Variants in GINS3 observed in about 807,000 individuals in gnomAD.
The protein encoded by GINS3 is GINS complex subunit 3, also known as DNA replication complex GINS protein PSF3.
Under a neutral mutation model 20.0 loss-of-function variants are expected in GINS3, and 18 were observed. The observed-to-expected ratio is 0.90, with a 90% CI of 0.62 to 1.33. The LOEUF is 1.33. Among genes scored for constraint, GINS3 ranks in the 40% most tolerant of loss-of-function variants. The pLI is 0.00. For synonymous variants in GINS3, 109 were observed against 107.0 expected (o/e 1.02, Z -0.12); for missense variants, 254 against 273.6 (o/e 0.93, Z 0.51).
intron 1 of GINS3, among the ~76,000 whole-genome samples, chr16:58,396,921 G>A (rs1298979260): frequency 6.7e-6 from 1 of 149,476 alleles, no homozygotes; most frequent in Admixed American, 6.6e-5. Flanking sequence ...CGGACGGGGC[G>A]GCTGGCCGGG....
At chr16:58,404,150 C>A in intron 2 of GINS3, 1 of 222,364 alleles carries the variant, frequency 4.5e-6, no homozygotes, top group South Asian at 9.7e-5. Context: ...TAGAAGAAAC[C>A]ATCATTTCTT....
At chr16:58,395,937 C>G (rs1019691348) in intron 1 of GINS3, among the ~76,000 whole-genome samples, 1 of 149,988 alleles carries the variant, frequency 6.7e-6, no homozygotes. Flanking sequence ...ACCTCCCGGA[C>G]GGGGCGGCTG....
At chr16:58,393,695 T>C (rs1479127775) in intron 1 of GINS3, 1 of 152,078 alleles carries the variant, frequency 6.6e-6, no homozygotes, top group African/African-American at 2.4e-5. Context: ...CTGGGTGTGG[T>C]GGCCGGCGCC....
chr16:58,399,250 G>A (rs1965922648), intron 1 of GINS3, among the ~76,000 whole-genome samples: 1 of 149,834 alleles, frequency 6.7e-6, no homozygotes, highest in Non-Finnish European at 1.5e-5. Context: ...GAAGACCACT[G>A]CACTCCAGCC....
At chr16:58,397,721 C>G (rs1036076525) in intron 1 of GINS3, among the ~76,000 whole-genome samples, 17 of 152,152 alleles carry the variant, frequency 1.1e-4, no homozygotes, top group African/African-American at 4.1e-4. Context: ...GCAGGAGAAT[C>G]AGGCAGGGAG....
At position 58,403,330 on chromosome 16, in the gene GINS3, A is replaced by G; in HGVS notation, c.419A>G (p.Gln140Arg). ...GCAGACATTTCCCAGTCTCTGCTGC[A>G]GGCAAGTAATGGGTGTGAAAACCTG... ...ENADISQSLL[Q>R]TFIGRFRRIM... is the part of the protein sequence containing the mutation. The change falls in exon 2 of 3, where the codon CAG becomes CGG. Residue 140 changes from glutamine to arginine, a missense_variant and splice_region_variant. Coordinates refer to ENST00000318129, the MANE Select transcript of GINS3 (RefSeq NM_022770.4). The G allele has an allele frequency of 1.2e-6, 2 of 1,612,828 alleles. No individual in the cohort carries two copies. Among genetic ancestry groups the G allele is most frequent in the Non-Finnish European group, 1.7e-6 (2 of 1,179,188 alleles).
intron 1 of GINS3, among the ~76,000 whole-genome samples, chr16:58,396,237 A>G (rs1347911656): frequency 7.8e-3 from 364 of 46,438 alleles, no homozygotes; most frequent in Admixed American, 0.011. Context: ...CTCACCTCCC[A>G]GACGGGGCGG....
chr16:58,397,385 C>T (rs901086602), intron 1 of GINS3, among the ~76,000 whole-genome samples: 4 of 146,354 alleles, frequency 2.7e-5, no homozygotes, highest in Non-Finnish European at 4.5e-5. Flanking sequence ...CAGAGAGGCT[C>T]CTCACTTCCC....
chr16:58,397,588 C>T (rs1488754965), intron 1 of GINS3, among the ~76,000 whole-genome samples: 2 of 152,012 alleles, frequency 1.3e-5, no homozygotes, highest in African/African-American at 2.4e-5. Context: ...GCGGATCACT[C>T]GCGGTTAGGA....
intron 1 of GINS3, chr16:58,394,952 G>C (rs1336361278): frequency 8.0e-6 from 3 of 376,562 alleles, no homozygotes; most frequent in Middle Eastern, 1.4e-3. Flanking sequence ...TTCTGCATGG[G>C]AGATTTGTGT....
chr16:58,392,814 C>T, intron 1 of GINS3, 27 bp downstream of exon 1: 1 of 1,560,258 alleles, frequency 6.4e-7, no homozygotes, highest in East Asian at 2.3e-5. Flanking sequence ...GGGGTCCTGC[C>T]CGGAAAGACT....
chr16:58,393,636 A>G (rs982362381), intron 1 of GINS3: 5 of 152,072 alleles, frequency 3.3e-5, no homozygotes, highest in African/African-American at 4.8e-5. Flanking sequence ...AGGTCAAGAG[A>G]TCCAGACCAT....
In GINS3 at chr16:58,392,555, C is replaced by T. The variant is rs745880484; in HGVS notation, c.-47C>T. 7.5e-6 allele frequency: 12 copies of T among 1,599,476 alleles called. No homozygotes were observed. Among genetic ancestry groups the T allele is most frequent in the South Asian group, 2.2e-5 (2 of 89,348 alleles). On this transcript the variant is annotated 5_prime_UTR_variant, in exon 1 of 3. Transcript: ENST00000318129. ...TCTTGTACACCCCTAACTCCTGAGG[C>T]TCCTCCGAATCACGCGAGTGGAAGC...
At position 58,392,600 on chromosome 16, in the gene GINS3, C is replaced by T. The variant is rs1387810270; in HGVS notation, c.-2C>T. 6.2e-7 allele frequency: 1 copy of T among 1,613,602 alleles called. No individual in the cohort carries two copies. Among genetic ancestry groups the T allele is most frequent in the East Asian group, 2.2e-5 (1 of 44,874 alleles). ...GGAAGCGGAGAAGCTCAAGTGGCCG[C>T]CATGTCAGAGGCTTATTTCCGAGTG... On this transcript the variant is annotated 5_prime_UTR_variant, in exon 1 of 3. Coordinates refer to ENST00000318129, the MANE Select transcript of GINS3 (RefSeq NM_022770.4).
Position 58,396,897 on chromosome 16 carries a change from C to G in GINS3, c.186+4110C>G, listed in dbSNP as rs1965879417. Among the ~76,000 whole-genome samples, 7 of 149,018 alleles carry G rather than the reference C, an allele frequency of 4.7e-5. No homozygotes were observed. In the South Asian group the frequency reaches 1.5e-3, roughly 32 times the overall value. On this transcript the variant is annotated intron_variant, in intron 1 of 2. Transcript: ENST00000318129. ...GGCTGGCCGGGCGGGGGGCTGACCC[C>G]CCCACCTCCTTCCCGGACGGGGCGG...
chr16:58,392,997 T>C (rs954811094), intron 1 of GINS3, among the ~76,000 whole-genome samples: 4 of 152,244 alleles, frequency 2.6e-5, no homozygotes, highest in African/African-American at 9.6e-5. Context: ...CCATCTGTGG[T>C]GAAACTACAT....
chr16:58,399,539 C>G lies in GINS3; in HGVS notation c.187-3559C>G, dbSNP rs116873301. On this transcript the variant is annotated intron_variant, in intron 1 of 2. Transcript: ENST00000318129. ...ATATTTAAGGTATGTCTCTTTTATG[C>G]AGCATATAGTTGGGTTTTGTTTTGT... 5.8e-3 allele frequency among the ~76,000 whole-genome samples: 883 copies of G among 152,070 alleles called. 4 individuals carry two copies. Among genetic ancestry groups the G allele is most frequent in the Non-Finnish European group, 0.01 (691 of 67,978 alleles).
At chr16:58,392,930 T>C in intron 1 of GINS3, 143 bp downstream of exon 1, 1 of 851,126 alleles carries the variant, frequency 1.2e-6, no homozygotes, top group Non-Finnish European at 1.7e-6. Flanking sequence ...TAACGACTTC[T>C]CGGAAACTCC....
chr16:58,393,591 C>T (rs1965811806), intron 1 of GINS3: 1 of 152,056 alleles, frequency 6.6e-6, no homozygotes, highest in Admixed American at 6.5e-5. Flanking sequence ...GCCTGTAATC[C>T]CAGCACTTTG....
Sources: gnomAD v4.1 joint callset for allele counts (sites outside exome capture counted in the v4.1 genomes callset) on GRCh38, gnomAD v4.1.1 for gene constraint, MANE v1.5 for transcripts, NCBI Gene and HGNC (gene_info 2026-07-23, HGNC 2026-07-21) for gene names.